Variants in GEMIN5 observed in about 807,000 individuals in gnomAD.
GEMIN5 encodes the protein gem nuclear organelle associated protein 5.
GEMIN5 carries 124 observed loss-of-function variants against 176.9 expected under a neutral mutation model. The ratio of observed to expected loss-of-function variants is 0.70; its 90% CI spans 0.61 to 0.81. The LOEUF (loss-of-function observed/expected upper bound fraction) is 0.81. Ranked by LOEUF, GEMIN5 falls within the 40% of genes least tolerant of loss-of-function variation. The pLI, the probability that GEMIN5 is intolerant of heterozygous loss-of-function variation, is 0.00. For missense variants in GEMIN5, 1,843 were observed against 1,814.6 expected, an observed-to-expected ratio of 1.02 and a Z score of -0.28; for synonymous variants, 673 against 665.2, an observed-to-expected ratio of 1.01 and a Z score of -0.18.
At chr5:154,920,176 C>T (rs938343995) in intron 10 of GEMIN5, 73 bp from the exon 11 acceptor site, 6 of 1,123,104 alleles carry the variant, frequency 5.3e-6, no homozygotes, top group African/African-American at 3.1e-5. Flanking sequence ...TATAGTATGA[C>T]CATACCATAC....
chr5:154,927,365 G>A lies in GEMIN5; in HGVS notation c.1080+20C>T, dbSNP rs756649257. 29 of 1,524,266 alleles carry A rather than the reference G, an allele frequency of 1.9e-5. No individual in the cohort carries two copies. Among genetic ancestry groups the A allele is most frequent in the South Asian group, 9.1e-5 (8 of 88,314 alleles). The allele number at this position is 1,524,266 out of a possible 1,614,324, so 94.4% of individuals were successfully genotyped here. A position where few individuals can be genotyped will look rare whatever the true frequency, so the allele number is the denominator to read the frequency against. On this transcript the variant is annotated intron_variant, in intron 7 of 27. Transcript: ENST00000285873. ...GTAAACTGCTGCTCTACAATGCTGA[G>A]TGAAAATAAGCATTCTTACATCTCT... is the stretch of plus-strand genomic sequence containing the variant.
chr5:154,928,605 G>C lies in GEMIN5; in HGVS notation c.836C>G (p.Pro279Arg). The C allele has an allele frequency of 6.2e-7, 1 of 1,613,552 alleles. No individual in the cohort carries two copies. Among genetic ancestry groups the C allele is most frequent in the Non-Finnish European group, 8.5e-7 (1 of 1,179,500 alleles). The change falls in exon 6 of 28, where the codon CCA (proline) becomes CGA (arginine). Residue 279 changes from proline to arginine, a missense_variant. Transcript: ENST00000285873. ...CAACCAAAGGCGCTCTTTAACAGTT[G>C]GGTCTATACCCCCTCCTCTTCTCTT... is the stretch of plus-strand genomic sequence containing the variant. The part of the protein sequence containing the change: ...FLKRRGGGID[P>R]TVKERLWLTL...
At chr5:154,908,538 T>C (rs369355255) in intron 15 of GEMIN5, among the ~76,000 whole-genome samples, 3 of 152,200 alleles carry the variant, frequency 2.0e-5, no homozygotes, top group African/African-American at 4.8e-5. Context: ...GTACATTTGG[T>C]TGCCATGCCT....
At chr5:154,902,720 T>A (rs370374149) in intron 19 of GEMIN5, 44 bp from the exon 20 acceptor site, 2 of 1,595,498 alleles carry the variant, frequency 1.3e-6, no homozygotes, top group South Asian at 1.1e-5. Flanking sequence ...TTCAGAAACA[T>A]CTGTTACTGA....
intron 24 of GEMIN5, 34 bp downstream of exon 24, chr5:154,896,058 T>C: frequency 6.2e-7 from 1 of 1,606,314 alleles, no homozygotes; most frequent in Non-Finnish European, 8.5e-7. Flanking sequence ...TACCACTGAG[T>C]GATTAATGTC....
chr5:154,932,023 T>A, intron 4 of GEMIN5, 76 bp downstream of exon 4: 1 of 1,106,956 alleles, frequency 9.0e-7, no homozygotes, highest in Non-Finnish European at 1.3e-6. Context: ...AAATAATAAA[T>A]AAAAAATGAT....
chr5:154,929,619 C>T (rs1289021543), intron 5 of GEMIN5, among the ~76,000 whole-genome samples: 2 of 152,206 alleles, frequency 1.3e-5, no homozygotes, highest in Non-Finnish European at 2.9e-5. Context: ...GCTGCACAAC[C>T]ACAATTGAAG....
rs199596248 is a variant in GEMIN5, at chr5:154,903,098, T to C, written c.2710A>G (p.Arg904Gly). ...GLFTDRATLY[R>G]MIDIEGKGHL... ...GTCTCACCTTCAATATCAATCATTC[T>C]ATACAGGGTAGCCCTGTCTGTGAAA... The change falls in exon 19 of 28, where the codon AGA (arginine) becomes GGA (glycine). Residue 904 changes from arginine to glycine, a missense_variant. Arg to Gly is a moderately radical substitution (Grantham distance 125). Coordinates refer to ENST00000285873, the MANE Select transcript of GEMIN5 (RefSeq NM_015465.5). The C allele has an allele frequency of 4.8e-5, 76 of 1,597,774 alleles. No homozygotes were observed. The highest frequency in any genetic ancestry group is 6.0e-5 in the Non-Finnish European group (70 of 1,165,686).
Position 154,904,523 on chromosome 5 carries a change from A to C in GEMIN5, c.2616T>G (p.Thr872=), listed in dbSNP as rs773150297. 2.3e-5 allele frequency: 37 copies of C among 1,613,768 alleles called. No homozygotes were observed. The South Asian group carries it at 3.7e-4, about 16-fold the overall frequency. The stretch of plus-strand genomic sequence containing the variant: ...TTTTTGTACCTCTGGAGTGCTTTGC[A>C]GTTGCTAGTACCAAACAGTCCTGAT... ...ELHQDCLVLA[T]AKHSRELNED... is the part of the protein sequence containing the mutation. Residue 872 remains threonine, a synonymous_variant, in exon 18 of 28, where the codon ACT becomes ACG. Transcript: ENST00000285873.
chr5:154,911,672 T>A, intron 15 of GEMIN5, 55 bp downstream of exon 15: 1 of 1,450,630 alleles, frequency 6.9e-7, no homozygotes, highest in Non-Finnish European at 9.6e-7. Flanking sequence ...CCTGATCAAC[T>A]CAATTATTAA....
Position 154,905,452 on chromosome 5 carries a change from G to T in GEMIN5, c.2420C>A (p.Thr807Asn). 4 of 1,594,528 alleles carry T rather than the reference G, an allele frequency of 2.5e-6. No individual in the cohort carries two copies. The highest frequency in any genetic ancestry group is 3.4e-6 in the Non-Finnish European group (4 of 1,165,624). Residue 807 changes from threonine (T) to asparagine (N), a missense_variant, in exon 17 of 28, where the codon ACT (threonine) becomes AAT (asparagine). By Grantham distance (65) the Thr-to-Asn change is moderately conservative. Transcript: ENST00000285873. ...PAVSREPVIC[T>N]PVSSGFEKSK... ...CTTTTCAAAGCCTGAGGAAACTGGA[G>T]TGCAGATAACTGGTTCTCTAGAAAC... is the stretch of plus-strand genomic sequence containing the variant.
chr5:154,907,716 G>A lies in GEMIN5; in HGVS notation c.2270C>T (p.Ser757Leu), dbSNP rs142716554. 1.2e-4 allele frequency: 201 copies of A among 1,614,024 alleles called. 1 individual carries two copies. In the African/African-American group the frequency reaches 1.9e-3, roughly 15 times the overall value. The change falls in exon 16 of 28, where the codon TCG (serine) becomes TTG (leucine). Residue 757 changes from serine (S) to leucine (L), a missense_variant. Ser to Leu is a moderately radical substitution (Grantham distance 145, BLOSUM62 -2). Coordinates refer to ENST00000285873, the MANE Select transcript of GEMIN5 (RefSeq NM_015465.5). Reference sequence around the variant, plus strand: ...GCTTTCTTCTTCATTTCCATCAATCGATTCCAGCTTTACAGGAGTTCTCAA... The same window carrying A: ...GCTTTCTTCTTCATTTCCATCAATCAATTCCAGCTTTACAGGAGTTCTCAA... ...PTLRTPVKLE[S>L]IDGNEEESMK...
intron 7 of GEMIN5, 145 bp from the exon 8 acceptor site, chr5:154,926,219 GA>G (rs142138063): frequency 1.6e-3 from 802 of 510,644 alleles, no homozygotes; most frequent in South Asian, 2.8e-3. Context: ...GCACTGCTAA[GA>G]AAAAAAAAAT....
chr5:154,905,486 G>C lies in GEMIN5; in HGVS notation c.2396-10C>G. The C allele has an allele frequency of 7.6e-7, 1 of 1,316,422 alleles. No homozygotes were observed. The highest frequency in any genetic ancestry group is 2.3e-5 in the East Asian group (1 of 42,966). The allele number at this position is 1,316,422 out of a possible 1,614,324, so 81.5% of individuals were successfully genotyped here. On this transcript the variant is annotated splice_polypyrimidine_tract_variant and intron_variant, in intron 16 of 27. Coordinates refer to ENST00000285873, the MANE Select transcript of GEMIN5 (RefSeq NM_015465.5). ...ACTGGTTCTCTAGAAACTACATCAT[G>C]GGGGAAAAAGGAAAAAAAAAGTTAA...
intron 15 of GEMIN5, among the ~76,000 whole-genome samples, chr5:154,909,138 T>TG (rs1288406095): frequency 1.4e-5 from 2 of 144,838 alleles, no homozygotes; most frequent in East Asian, 2.0e-4. Flanking sequence ...TTTGTATTTT[T>TG]TTTTTTTTTT....
At chr5:154,934,166 C>T (rs1764219717) in intron 3 of GEMIN5, among the ~76,000 whole-genome samples, 2 of 152,132 alleles carry the variant, frequency 1.3e-5, no homozygotes, top group Admixed American at 1.3e-4. Context: ...CAGGTGTGCG[C>T]CACCAAGTCT....
intron 7 of GEMIN5, among the ~76,000 whole-genome samples, chr5:154,927,117 G>C (rs1764056720): frequency 6.6e-6 from 1 of 151,718 alleles, no homozygotes; most frequent in Non-Finnish European, 1.5e-5. Flanking sequence ...GCTGTGGGTT[G>C]GACAAGCTTG....
intron 13 of GEMIN5, among the ~76,000 whole-genome samples, chr5:154,916,435 G>C (rs2113489486): frequency 6.6e-6 from 1 of 152,232 alleles, no homozygotes; most frequent in South Asian, 2.1e-4. Flanking sequence ...AAAATATATA[G>C]CAAGCCAATA....
rs759713266 is a variant in GEMIN5 at position 154,926,045 on chromosome 5, C to T, written c.1110G>A (p.Glu370=). 1.2e-6 allele frequency: 2 copies of T among 1,612,974 alleles called. No individual in the cohort carries two copies. Among genetic ancestry groups the T allele is most frequent in the Non-Finnish European group, 8.5e-7 (1 of 1,179,036 alleles). Residue 370 remains glutamate (E), a synonymous_variant, in exon 8 of 28, where the codon GAG becomes GAA. Transcript: ENST00000285873. ...CAAGGGAAGGAAGGGTCCAGCTGCA[C>T]TCCAAGGTGGCTATGTCCCAACATT... ...DVKCWDIATL[E]CSWTLPSLGG... is the part of the protein sequence containing the mutation.
Sources: gnomAD v4.1 joint callset for allele counts (sites outside exome capture counted in the v4.1 genomes callset) on GRCh38, gnomAD v4.1.1 for gene constraint, MANE v1.5 for transcripts, NCBI Gene and HGNC (gene_info 2026-07-23, HGNC 2026-07-21) for gene names.